PTPRD: variants seen among roughly 807,000 people sequenced by gnomAD.
PTPRD encodes receptor-type tyrosine-protein phosphatase delta.
In PTPRD, 34 loss-of-function variants were observed where a neutral mutation model predicts 214.5. The ratio of observed to expected loss-of-function variants is 0.16; its 90% confidence interval spans 0.12 to 0.21. The LOEUF is 0.21. Ranked by LOEUF, PTPRD falls within the 10% of genes least tolerant of loss-of-function variation. PTPRD has a pLI of 1.00. For missense variants in PTPRD, 2,545 were observed against 2,398.7 expected, an observed-to-expected ratio of 1.06 and a Z score of -1.27; for synonymous variants, 1,128 against 845.7, an observed-to-expected ratio of 1.33 and a Z score of -5.79.
At chr9:10,062,264 T>C (rs1010421216) in intron 3 of PTPRD, among the ~76,000 whole-genome samples, 2 of 152,058 alleles carry the variant, frequency 1.3e-5, no homozygotes, top group African/African-American at 4.8e-5. Context: ...AGTAATTGTA[T>C]TCCACCAAGC....
Position 8,643,626 on chromosome 9 carries a change from C to T in PTPRD, c.65-6782G>A, listed in dbSNP as rs552328156. Among the ~76,000 whole-genome samples, 11 of 152,368 alleles carry T rather than the reference C, an allele frequency of 7.2e-5. No individual in the cohort carries two copies. In the East Asian group the frequency reaches 1.9e-3, roughly 27 times the overall value. On this transcript the variant is annotated intron_variant, in intron 12 of 45. Coordinates refer to ENST00000381196, the MANE Select transcript of PTPRD (RefSeq NM_002839.4). The stretch of plus-strand genomic sequence containing the variant: ...GCCTCTGCAGCCACTCCTGCCACCA[C>T]TGCTCGCAGCTCTGATCTCAGAGCA...
chr9:9,071,033 C>A (rs2099742931), intron 10 of PTPRD, among the ~76,000 whole-genome samples: 1 of 152,116 alleles, frequency 6.6e-6, no homozygotes, highest in Non-Finnish European at 1.5e-5. Flanking sequence ...CCCACCTCTG[C>A]CTGCTGAGTG....
At chr9:8,982,522 T>C (rs1184015053) in intron 11 of PTPRD, among the ~76,000 whole-genome samples, 3 of 148,506 alleles carry the variant, frequency 2.0e-5, no homozygotes, top group Non-Finnish European at 3.0e-5. Flanking sequence ...AAATATGGCA[T>C]CTAAGTATGA....
intron 8 of PTPRD, chr9:9,442,476 C>A (rs2088455521): frequency 6.6e-6 from 1 of 152,172 alleles, no homozygotes; most frequent in African/African-American, 2.4e-5. Context: ...TTCTGTGTTA[C>A]AGCTCTGAAT....
intron 30 of PTPRD, among the ~76,000 whole-genome samples, chr9:8,480,164 G>C (rs189625284): frequency 2.6e-5 from 4 of 152,262 alleles, no homozygotes; most frequent in Admixed American, 1.3e-4. Flanking sequence ...ATGCCAGCAG[G>C]AAAGTCTTAA....
intron 10 of PTPRD, among the ~76,000 whole-genome samples, chr9:9,146,710 A>G (rs193261852): frequency 1.3e-5 from 2 of 152,300 alleles, no homozygotes; most frequent in Admixed American, 1.3e-4. Flanking sequence ...ACTATTTCTG[A>G]CATAAGTAAA....
chr9:8,663,240 G>A (rs932236568), intron 12 of PTPRD, among the ~76,000 whole-genome samples: 1 of 144,560 alleles, frequency 6.9e-6, no homozygotes, highest in Admixed American at 6.9e-5. Context: ...CAAGAATCTT[G>A]TTTTTTTTCT....
intron 2 of PTPRD, among the ~76,000 whole-genome samples, chr9:10,357,818 C>T (rs1477411942): frequency 6.6e-6 from 1 of 152,152 alleles, no homozygotes; most frequent in Non-Finnish European, 1.5e-5. Flanking sequence ...TTTTCCCTGA[C>T]ATTAAAATGC....
chr9:10,162,652 C>T (rs1205711103), intron 3 of PTPRD, among the ~76,000 whole-genome samples: 1 of 146,178 alleles, frequency 6.8e-6, no homozygotes, highest in Non-Finnish European at 1.5e-5. Flanking sequence ...TATATATACA[C>T]ATATATACAT....
intron 10 of PTPRD, among the ~76,000 whole-genome samples, chr9:9,115,483 C>T (rs568324358): frequency 1.1e-4 from 16 of 152,160 alleles, no homozygotes; most frequent in South Asian, 6.2e-4. Context: ...AAACAATAGA[C>T]GCTTGCATGA....
intron 8 of PTPRD, among the ~76,000 whole-genome samples, chr9:9,489,914 C>T (rs1291183967): frequency 1.3e-5 from 2 of 151,994 alleles, no homozygotes; most frequent in East Asian, 3.9e-4. Flanking sequence ...GTTCAATGAA[C>T]TTTAAGTAAG....
chr9:9,306,556 T>C, intron 9 of PTPRD, among the ~76,000 whole-genome samples: 1 of 84,144 alleles, frequency 1.2e-5, no homozygotes, highest in Non-Finnish European at 2.1e-5. Context: ...AGAGTGAGAC[T>C]CCGTCTCAAA....
intron 14 of PTPRD, among the ~76,000 whole-genome samples, chr9:8,606,408 G>C (rs986713726): frequency 3.3e-5 from 5 of 152,066 alleles, no homozygotes; most frequent in Non-Finnish European, 4.4e-5. Flanking sequence ...ATCTTACAGG[G>C]GCCTCTCAAC....
In PTPRD at chr9:10,609,659, A is replaced by T. The variant is rs78144418; in HGVS notation, c.-600+2739T>A. 9.5e-3 allele frequency among the ~76,000 whole-genome samples: 1,453 copies of T among 152,256 alleles called. 27 individuals are homozygous for T. Among genetic ancestry groups the T allele is most frequent in the African/African-American group, 0.032 (1,334 of 41,568 alleles). ...GATTCCTGCATCCTACTAGTAATAC[A>T]CAGGAAAGATATCATGGCATTCCAT... is the stretch of plus-strand genomic sequence containing the variant. On this transcript the variant is annotated intron_variant, in intron 2 of 45. Transcript: ENST00000381196.
Position 10,120,370 on chromosome 9 carries a change from T to A in PTPRD, c.-544-86580A>T, listed in dbSNP as rs190979137. Among the ~76,000 whole-genome samples the A allele has an allele frequency of 2.5e-3, 382 of 152,112 alleles. 1 individual carries two copies. Among genetic ancestry groups the A allele is most frequent in the African/African-American group, 8.9e-3 (369 of 41,536 alleles). On this transcript the variant is annotated intron_variant, in intron 3 of 45. Transcript: ENST00000381196. ...TAATCTAAACAACCACTGCTCTGAT[T>A]TAAGTACTTTTTATCCTCACTTCAT...
intron 4 of PTPRD, among the ~76,000 whole-genome samples, chr9:10,004,873 A>G (rs992704445): frequency 2.0e-5 from 3 of 152,156 alleles, no homozygotes; most frequent in African/African-American, 7.2e-5. Context: ...AGGGTTTACT[A>G]TTCACTCATT....
intron 4 of PTPRD, among the ~76,000 whole-genome samples, chr9:10,008,425 C>G (rs1244325522): frequency 6.6e-6 from 1 of 151,924 alleles, no homozygotes; most frequent in Non-Finnish European, 1.5e-5. Flanking sequence ...GCCTGTGTGG[C>G]CTTTGTTTCA....
intron 2 of PTPRD, among the ~76,000 whole-genome samples, chr9:10,511,569 ATTTTT>A (rs66768632): frequency 1.6e-5 from 2 of 127,856 alleles, no homozygotes; most frequent in Non-Finnish European, 3.2e-5. Context: ...ACACCCTGGT[ATTTTT>A]TTTTTTTTTT....
Position 9,843,798 on chromosome 9 carries a change from AAATAGAGGTACAGGAAAAC to A in PTPRD, c.-367-76966_-367-76948del, listed in dbSNP as rs1313355115. 1.7e-4 allele frequency among the ~76,000 whole-genome samples: 26 copies of A among 152,154 alleles called. No individual in the cohort carries two copies. In the South Asian group the frequency reaches 5.2e-3, roughly 30 times the overall value. ...AATATTAAAATGAAAACCGAAATTT[AAATAGAGGTACAGGAAAAC>A]TGTGGCTGATCTTCAATGGTTGTTA... is the stretch of plus-strand genomic sequence containing the variant. On this transcript the variant is annotated intron_variant, in intron 5 of 45. Transcript: ENST00000381196.
Sources: allele counts gnomAD v4.1 joint callset (sites outside exome capture counted in the v4.1 genomes callset), GRCh38; gene constraint gnomAD v4.1.1; transcripts MANE v1.5; gene names NCBI Gene and HGNC (gene_info 2026-07-23, HGNC 2026-07-21).